The following ADAMTS16 variants were observed in gnomAD, a reference collection of about 807,000 sequenced individuals.
ADAMTS16 encodes the protein ADAM metallopeptidase with thrombospondin type 1 motif 16, also known as A disintegrin and metalloproteinase with thrombospondin motifs 16.
Under a neutral mutation model 145.8 loss-of-function variants are expected in ADAMTS16, and 94 were observed. The observed-to-expected ratio is 0.64, with a 90% CI of 0.55 to 0.77. ADAMTS16 has a LOEUF of 0.77. ADAMTS16 is among the 30% of genes least tolerant of loss of function. ADAMTS16 has a pLI of 0.00. For synonymous variants in ADAMTS16, 659 were observed against 604.3 expected (o/e 1.09, Z -1.33); for missense variants, 1,585 against 1,591.5 (o/e 1.00, Z 0.07).
At chr5:5,147,862 A>T (rs1362912118) in intron 3 of ADAMTS16, among the ~76,000 whole-genome samples, 1 of 152,080 alleles carries the variant, frequency 6.6e-6, no homozygotes, top group East Asian at 1.9e-4. Flanking sequence ...GGTTGTGGAA[A>T]TTGGTGAGGT....
chr5:5,315,823 A>AT (rs147478005), intron 21 of ADAMTS16, among the ~76,000 whole-genome samples: 2,423 of 152,166 alleles, frequency 0.016, 60 homozygotes, highest in African/African-American at 0.054. Flanking sequence ...TCCCCACATT[A>AT]TTTTTTCTAC....
At chr5:5,194,969 G>A (rs1401800147) in intron 8 of ADAMTS16, among the ~76,000 whole-genome samples, 2 of 152,184 alleles carry the variant, frequency 1.3e-5, no homozygotes, top group Non-Finnish European at 2.9e-5. Context: ...CTCCATGCCT[G>A]CAACTCATAG....
chr5:5,208,368 G>C (rs1003573830), intron 9 of ADAMTS16, among the ~76,000 whole-genome samples: 1 of 152,186 alleles, frequency 6.6e-6, no homozygotes, highest in Non-Finnish European at 1.5e-5. Flanking sequence ...GAGGGATTTA[G>C]TTGCTATTTG....
chr5:5,220,448 G>A (rs1037404162), intron 10 of ADAMTS16, among the ~76,000 whole-genome samples: 4 of 151,824 alleles, frequency 2.6e-5, no homozygotes, highest in Non-Finnish European at 5.9e-5. Flanking sequence ...GTGAGCCACC[G>A]CGCCCGGCCA....
intron 21 of ADAMTS16, among the ~76,000 whole-genome samples, chr5:5,315,737 G>A (rs745358795): frequency 1.2e-4 from 18 of 152,194 alleles, no homozygotes; most frequent in Non-Finnish European, 2.4e-4. Flanking sequence ...AGAATGTTCC[G>A]AAAGATGTAA....
chr5:5,195,199 T>A (rs915335686), intron 8 of ADAMTS16, among the ~76,000 whole-genome samples: 1 of 152,170 alleles, frequency 6.6e-6, no homozygotes, highest in Non-Finnish European at 1.5e-5. Context: ...CTGTAGTACA[T>A]GGGATTGAAT....
At chr5:5,189,910 T>C in intron 6 of ADAMTS16, 61 bp from the exon 7 acceptor site, 3 of 1,587,792 alleles carry the variant, frequency 1.9e-6, no homozygotes, top group East Asian at 2.2e-5. Flanking sequence ...GTGATGACAA[T>C]GCATTATAAC....
In ADAMTS16 at chr5:5,303,562, T is replaced by C; in HGVS notation, c.2992-10T>C. The stretch of plus-strand genomic sequence containing the variant: ...CCTCACTGGGTGCTTATCCTGACTG[T>C]TCTGTGCAGTGCTCACACACCTGTG... On this transcript the variant is annotated splice_polypyrimidine_tract_variant and intron_variant, in intron 19 of 22. Coordinates refer to ENST00000274181, the MANE Select transcript of ADAMTS16 (RefSeq NM_139056.4). 6.2e-7 allele frequency: 1 copy of C among 1,613,852 alleles called. No individual in the cohort carries two copies. The highest frequency in any genetic ancestry group is 8.5e-7 in the Non-Finnish European group (1 of 1,179,848).
chr5:5,290,105 A>G (rs569863238), intron 18 of ADAMTS16, among the ~76,000 whole-genome samples: 4 of 152,368 alleles, frequency 2.6e-5, no homozygotes, highest in East Asian at 1.9e-4. Context: ...TTTAGGAAAC[A>G]TATTTCCTTT....
intron 3 of ADAMTS16, among the ~76,000 whole-genome samples, chr5:5,177,406 T>C (rs1330020293): frequency 6.6e-6 from 1 of 152,204 alleles, no homozygotes; most frequent in Non-Finnish European, 1.5e-5. Flanking sequence ...ATCAGCCCCG[T>C]TGTCCTTGAA....
At chr5:5,273,634 A>G (rs921394289) in intron 18 of ADAMTS16, among the ~76,000 whole-genome samples, 1 of 152,230 alleles carries the variant, frequency 6.6e-6, no homozygotes, top group African/African-American at 2.4e-5. Flanking sequence ...GATCACCTCA[A>G]TGTGCTGATT....
chr5:5,319,156 TAG>T lies in ADAMTS16; in HGVS notation c.*19_*20del, dbSNP rs1734179193. 1 of 1,576,980 alleles carries T rather than the reference TAG, an allele frequency of 6.3e-7. No homozygotes were observed. Among genetic ancestry groups the T allele is most frequent in the African/African-American group, 1.3e-5 (1 of 74,348 alleles). On this transcript the variant is annotated 3_prime_UTR_variant, in exon 23 of 23. Transcript: ENST00000274181. ...ACTTGTGAGTTGGGACCGCTCTCCGTAGCAGAGAAAGTGCCTGCGTGGCACAG... is the reference window on the plus strand; with the variant it reads ...ACTTGTGAGTTGGGACCGCTCTCCGTCAGAGAAAGTGCCTGCGTGGCACAG...
At chr5:5,290,015 C>T (rs1264528902) in intron 18 of ADAMTS16, among the ~76,000 whole-genome samples, 1 of 152,214 alleles carries the variant, frequency 6.6e-6, no homozygotes, top group Non-Finnish European at 1.5e-5. Context: ...TTTCAGTCTA[C>T]GGTCATCTCA....
Position 5,296,839 on chromosome 5 carries a change from G to A in ADAMTS16, c.2790-6429G>A, listed in dbSNP as rs540731576. Among the ~76,000 whole-genome samples, 7 of 152,278 alleles carry A rather than the reference G, an allele frequency of 4.6e-5. No homozygotes were observed. In the South Asian group the frequency reaches 8.3e-4, roughly 18 times the overall value. Reference sequence around the variant, plus strand: ...CCTCAGATGTAATTAGGTCTAGATCGTTAGGTTGCCTACCCGTGTGTTACC... The same window carrying A: ...CCTCAGATGTAATTAGGTCTAGATCATTAGGTTGCCTACCCGTGTGTTACC... On this transcript the variant is annotated intron_variant, in intron 18 of 22. Coordinates refer to ENST00000274181, the MANE Select transcript of ADAMTS16 (RefSeq NM_139056.4).
intron 2 of ADAMTS16, among the ~76,000 whole-genome samples, chr5:5,141,727 A>T (rs1734173639): frequency 6.6e-6 from 1 of 152,352 alleles, no homozygotes; most frequent in African/African-American, 2.4e-5. Context: ...ATTTGATAAA[A>T]TAACATAAAG....
chr5:5,246,320 C>T (rs1737437653), intron 17 of ADAMTS16, among the ~76,000 whole-genome samples: 1 of 152,162 alleles, frequency 6.6e-6, no homozygotes, highest in Non-Finnish European at 1.5e-5. Flanking sequence ...TCATCCAATT[C>T]ACAGCAAAAA....
At chr5:5,275,726 G>A (rs928123982) in intron 18 of ADAMTS16, among the ~76,000 whole-genome samples, 3 of 152,038 alleles carry the variant, frequency 2.0e-5, no homozygotes, top group South Asian at 2.1e-4. Context: ...ACGGGCACCA[G>A]CTCCATTTAT....
intron 6 of ADAMTS16, among the ~76,000 whole-genome samples, chr5:5,188,592 C>T (rs1282649591): frequency 6.6e-6 from 1 of 152,236 alleles, no homozygotes; most frequent in Non-Finnish European, 1.5e-5. Context: ...GCCTCAGCTC[C>T]ACCCTTGCTG....
In ADAMTS16 at chr5:5,318,203, T is replaced by C. The variant is rs1042566809; in HGVS notation, c.3481T>C (p.Ser1161Pro). The change falls in exon 22 of 23, where the codon TCA (serine) becomes CCA (proline). Residue 1161 changes from serine (S) to proline (P), a missense_variant. Physicochemically the swap from Ser to Pro is moderately conservative, Grantham distance 74. Transcript: ENST00000274181. Reference protein sequence around the residue: ...VQCLAGGRPASGCLLHQKPSA... With the variant: ...VQCLAGGRPAPGCLLHQKPSA... ...GTGCCTGGCTGGGGGCCGGCCGGCC[T>C]CAGGCTGCCTCCTGCACCAGAAGCC... The C allele has an allele frequency of 6.4e-7, 1 of 1,567,988 alleles. No individual in the cohort carries two copies. The highest frequency in any genetic ancestry group is 8.7e-7 in the Non-Finnish European group (1 of 1,152,692).
Sources: allele counts gnomAD v4.1 joint callset (sites outside exome capture counted in the v4.1 genomes callset), GRCh38; gene constraint gnomAD v4.1.1; transcripts MANE v1.5; gene names NCBI Gene and HGNC (gene_info 2026-07-23, HGNC 2026-07-21).